The following CNTNAP2 variants were observed in gnomAD, a reference collection of about 807,000 sequenced individuals.
CNTNAP2 encodes the protein contactin associated protein 2.
Under a neutral mutation model 155.2 loss-of-function variants are expected in CNTNAP2, and 98 were observed. That is an observed-to-expected ratio of 0.63 (90% CI 0.54 to 0.75). The LOEUF (loss-of-function observed/expected upper bound fraction) is 0.75. CNTNAP2 is among the 30% of genes least tolerant of loss of function. The probability of loss-of-function intolerance (pLI) is 0.00; values close to 1 mark genes in which losing one functional copy is unlikely to be tolerated. For synonymous variants in CNTNAP2, 651 were observed against 631.2 expected, an observed-to-expected ratio of 1.03 and a Z score of -0.47; for missense variants, 1,727 against 1,688.1, an observed-to-expected ratio of 1.02 and a Z score of -0.40.
At chr7:147,984,334 A>G (rs1801581251) in intron 15 of CNTNAP2, among the ~76,000 whole-genome samples, 1 of 152,220 alleles carries the variant, frequency 6.6e-6, no homozygotes, top group African/African-American at 2.4e-5. Context: ...GAAGTCCAGC[A>G]GGTCTTAGCC....
chr7:146,366,023 C>A (rs1194179935), intron 1 of CNTNAP2, among the ~76,000 whole-genome samples: 1 of 151,966 alleles, frequency 6.6e-6, no homozygotes, highest in African/African-American at 2.4e-5. Context: ...CTTATTTTTA[C>A]TTCAATTTTC....
chr7:146,413,397 G>A (rs190209858), intron 1 of CNTNAP2, among the ~76,000 whole-genome samples: 3 of 152,192 alleles, frequency 2.0e-5, no homozygotes, highest in South Asian at 2.1e-4. Flanking sequence ...CAGGAGTTTC[G>A]GTGTTTTTGA....
At chr7:146,246,365 G>A (rs1243850060) in intron 1 of CNTNAP2, among the ~76,000 whole-genome samples, 2 of 150,916 alleles carry the variant, frequency 1.3e-5, no homozygotes, top group African/African-American at 5.0e-5. Context: ...GCCTAATAAG[G>A]GAACTGGGCA....
chr7:148,166,697 C>T (rs983181531), intron 17 of CNTNAP2, among the ~76,000 whole-genome samples: 1 of 152,164 alleles, frequency 6.6e-6, no homozygotes, highest in Non-Finnish European at 1.5e-5. Context: ...CACATCTCAC[C>T]TTGGATAATT....
chr7:148,087,530 T>G (rs1803756694), intron 15 of CNTNAP2, among the ~76,000 whole-genome samples: 1 of 152,108 alleles, frequency 6.6e-6, no homozygotes, highest in South Asian at 2.1e-4. Context: ...ATGCTCACTT[T>G]CTCCCTCTCT....
At chr7:147,109,957 C>T (rs1321939491) in intron 5 of CNTNAP2, among the ~76,000 whole-genome samples, 1 of 151,948 alleles carries the variant, frequency 6.6e-6, no homozygotes, top group African/African-American at 2.4e-5. Context: ...CAGAGTCTCA[C>T]CCTGTCACCC....
intron 14 of CNTNAP2, among the ~76,000 whole-genome samples, chr7:147,965,009 A>G (rs1419625666): frequency 2.0e-5 from 3 of 152,200 alleles, no homozygotes; most frequent in African/African-American, 4.8e-5. Flanking sequence ...CCAAAGGTAC[A>G]AGCCCAAGAA....
chr7:148,132,815 A>G (rs1400858000), intron 16 of CNTNAP2, among the ~76,000 whole-genome samples: 1 of 152,180 alleles, frequency 6.6e-6, no homozygotes, highest in Non-Finnish European at 1.5e-5. Flanking sequence ...CATTCATAGG[A>G]GCATTTGTTT....
chr7:146,908,864 A>G (rs374633552), intron 3 of CNTNAP2, among the ~76,000 whole-genome samples: 1 of 146,462 alleles, frequency 6.8e-6, no homozygotes, highest in African/African-American at 2.5e-5. Context: ...GAATCCAGGA[A>G]CTGGTTTTTT....
At chr7:147,415,206 C>G (rs1001194972) in intron 10 of CNTNAP2, among the ~76,000 whole-genome samples, 3 of 152,124 alleles carry the variant, frequency 2.0e-5, no homozygotes, top group Non-Finnish European at 4.4e-5. Context: ...CACCCTTATT[C>G]TCCCACCTTG....
chr7:146,960,780 AT>A (rs374281746), intron 3 of CNTNAP2, among the ~76,000 whole-genome samples: 9 of 151,524 alleles, frequency 5.9e-5, no homozygotes, highest in Admixed American at 3.9e-4. Flanking sequence ...TAAATATGGT[AT>A]TTTTTTTTCC....
At chr7:147,494,046 A>C (rs1232905623) in intron 11 of CNTNAP2, among the ~76,000 whole-genome samples, 1 of 152,158 alleles carries the variant, frequency 6.6e-6, no homozygotes. Context: ...ACCAGGACTA[A>C]AGCATTGGGA....
chr7:148,261,503 C>A (rs2116831982), intron 20 of CNTNAP2, among the ~76,000 whole-genome samples: 1 of 152,326 alleles, frequency 6.6e-6, no homozygotes, highest in East Asian at 1.9e-4. Context: ...TTGTCCCCAT[C>A]TCAAGCCAGC....
chr7:148,111,151 A>G (rs2116597552), intron 15 of CNTNAP2, among the ~76,000 whole-genome samples: 1 of 152,294 alleles, frequency 6.6e-6, no homozygotes, highest in East Asian at 1.9e-4. Context: ...TGTTCGGTAT[A>G]AACAGACAGG....
At chr7:147,739,165 A>G (rs1439894618) in intron 13 of CNTNAP2, among the ~76,000 whole-genome samples, 1 of 148,432 alleles carries the variant, frequency 6.7e-6, no homozygotes, top group African/African-American at 2.5e-5. Flanking sequence ...TTTCTTAAAT[A>G]GGAGAATACT....
chr7:146,312,110 A>G (rs535208531), intron 1 of CNTNAP2, among the ~76,000 whole-genome samples: 2 of 152,312 alleles, frequency 1.3e-5, no homozygotes, highest in African/African-American at 4.8e-5. Context: ...AGCTGCCAGC[A>G]ATGTAAAATC....
chr7:147,458,738 C>T (rs1012142025), intron 10 of CNTNAP2, among the ~76,000 whole-genome samples: 1 of 152,086 alleles, frequency 6.6e-6, no homozygotes, highest in Admixed American at 6.6e-5. Flanking sequence ...CTCATTTATC[C>T]CAGAAAACAG....
intron 1 of CNTNAP2, among the ~76,000 whole-genome samples, chr7:146,156,230 T>C (rs140332589): frequency 1.7e-3 from 265 of 152,320 alleles, no homozygotes; most frequent in African/African-American, 6.1e-3. Flanking sequence ...TTATGTACCA[T>C]AGTAGTCTAA....
chr7:146,464,947 C>T (rs901598359), intron 1 of CNTNAP2, among the ~76,000 whole-genome samples: 5 of 152,118 alleles, frequency 3.3e-5, no homozygotes, highest in African/African-American at 1.2e-4. Context: ...CTTCCATTTT[C>T]TAGCTGCCTT....
Sources: gnomAD v4.1 joint callset for allele counts (sites outside exome capture counted in the v4.1 genomes callset) on GRCh38, gnomAD v4.1.1 for gene constraint, MANE v1.5 for transcripts, NCBI Gene and HGNC (gene_info 2026-07-23, HGNC 2026-07-21) for gene names.